PTCHD1: variants seen among roughly 807,000 people sequenced by gnomAD.
PTCHD1 encodes the protein patched domain containing 1.
PTCHD1 carries 3 observed loss-of-function variants against 34.6 expected under a neutral mutation model. That is an observed-to-expected ratio of 0.09 (90% CI 0.04 to 0.22). PTCHD1 has a LOEUF of 0.22. PTCHD1 is among the 10% of genes least tolerant of loss of function. The pLI, the probability that PTCHD1 is intolerant of heterozygous loss-of-function variation, is 1.00. For synonymous variants in PTCHD1, 305 were observed against 283.1 expected (o/e 1.08, Z -0.77); for missense variants, 504 against 685.5 (o/e 0.74, Z 2.96).
intron 1 of PTCHD1, among the ~76,000 whole-genome samples, chrX:23,339,076 G>A (rs981770449): frequency 3.6e-5 from 4 of 111,794 alleles, no homozygotes; most frequent in Non-Finnish European, 7.5e-5. Context: ...CAGGTTGACT[G>A]AACTTTAGTG....
At chrX:23,372,697 G>A (rs1922311907) in intron 1 of PTCHD1, among the ~76,000 whole-genome samples, 1 of 111,410 alleles carries the variant, frequency 9.0e-6, no homozygotes, top group Admixed American at 9.5e-5. Flanking sequence ...CCAAACATTT[G>A]GTTCCTTGGG....
chrX:23,363,070 C>A (rs1390103059), intron 1 of PTCHD1, among the ~76,000 whole-genome samples: 1 of 112,293 alleles, frequency 8.9e-6, no homozygotes, highest in Admixed American at 9.4e-5. Flanking sequence ...TCAGCCCCCA[C>A]TAGGTGGTGT....
At chrX:23,369,559 G>A (rs1922226509) in intron 1 of PTCHD1, among the ~76,000 whole-genome samples, 1 of 111,380 alleles carries the variant, frequency 9.0e-6, no homozygotes, top group Non-Finnish European at 1.9e-5. Flanking sequence ...GCTTCCTCAC[G>A]CGCAGATGGA....
chrX:23,388,679 A>C (rs1601916762), intron 2 of PTCHD1, among the ~76,000 whole-genome samples: 1 of 111,157 alleles, frequency 9.0e-6, no homozygotes, highest in East Asian at 2.8e-4. Flanking sequence ...AAAACTACAA[A>C]AATTACCTGG....
chrX:23,338,688 A>C (rs1047509161), intron 1 of PTCHD1, among the ~76,000 whole-genome samples: 1 of 112,181 alleles, frequency 8.9e-6, no homozygotes, highest in Non-Finnish European at 1.9e-5. Context: ...TAGAACCAGG[A>C]CTGGACTGGA....
chrX:23,368,548 T>C (rs1283589204), intron 1 of PTCHD1, among the ~76,000 whole-genome samples: 3 of 111,247 alleles, frequency 2.7e-5, no homozygotes, highest in Non-Finnish European at 5.7e-5. Flanking sequence ...TGGGATAGGA[T>C]TGAGCGAAAC....
rs1194698667 is a variant in PTCHD1, at chrX:23,342,266, CTATATATATA to C, written c.351+7076_351+7085del. Among the ~76,000 whole-genome samples, 125 of 31,151 alleles carry C rather than the reference CTATATATATA, an allele frequency of 4.0e-3. 2 individuals carry two copies. In the East Asian group the frequency reaches 0.051, roughly 13 times the overall value. The allele number at this position is 31,151 out of a possible 115,157, so 27.1% of individuals were successfully genotyped here. On this transcript the variant is annotated intron_variant, in intron 1 of 2. Transcript: ENST00000379361. ...GCATTTTCATATGCTGTGTTTCTCC[CTATATATATA>C]TATATATATATATATATATATATAT...
intron 1 of PTCHD1, among the ~76,000 whole-genome samples, chrX:23,354,806 C>T (rs1387363973): frequency 9.2e-6 from 1 of 109,047 alleles, no homozygotes; most frequent in South Asian, 4.1e-4. Flanking sequence ...CTCTTGACCT[C>T]GTGATCACCC....
At chrX:23,363,464 G>T (rs768896438) in intron 1 of PTCHD1, among the ~76,000 whole-genome samples, 2 of 113,097 alleles carry the variant, frequency 1.8e-5, no homozygotes, top group Non-Finnish European at 3.7e-5. Flanking sequence ...CGAACCAGGC[G>T]TGAGATATAA....
At chrX:23,346,889 T>C (rs777512629) in intron 1 of PTCHD1, among the ~76,000 whole-genome samples, 1 of 112,090 alleles carries the variant, frequency 8.9e-6, no homozygotes, top group East Asian at 2.8e-4. Flanking sequence ...ACCCAAAGTT[T>C]TGTGTTTGAG....
chrX:23,366,273 G>A (rs1385833091), intron 1 of PTCHD1, among the ~76,000 whole-genome samples: 3 of 111,685 alleles, frequency 2.7e-5, no homozygotes, highest in Non-Finnish European at 5.6e-5. Flanking sequence ...CACACTGCAG[G>A]CAGACTGAAC....
At chrX:23,374,023 A>G (rs1922338301) in intron 1 of PTCHD1, among the ~76,000 whole-genome samples, 2 of 110,404 alleles carry the variant, frequency 1.8e-5, no homozygotes, top group South Asian at 8.0e-4. Context: ...GAGTAGAAGA[A>G]GTGGGAAGGG....
Position 23,335,218 on chromosome X carries a change from A to C in PTCHD1, c.343A>C (p.Ile115Leu). Residue 115 changes from isoleucine (I) to leucine (L), a missense_variant, in exon 1 of 3, where the codon ATC (isoleucine) becomes CTC (leucine). By Grantham distance (5) the Ile-to-Leu change is conservative (BLOSUM62 2). Transcript: ENST00000379361. ...NMLDQHHTDLILKLHAAVTKI... is the reference protein window; with the variant it reads ...NMLDQHHTDLLLKLHAAVTKI... ...GCTGGACCAGCATCACACCGACCTG[A>C]TCTTAAAGGTGAGAGGGGACGGGTG... is the stretch of plus-strand genomic sequence containing the variant. The C allele has an allele frequency of 8.3e-7, 1 of 1,205,499 alleles. No individual in the cohort carries two copies. Among genetic ancestry groups the C allele is most frequent in the Non-Finnish European group, 1.1e-6 (1 of 889,792 alleles).
At chrX:23,358,974 T>G (rs1462317322) in intron 1 of PTCHD1, among the ~76,000 whole-genome samples, 1 of 112,131 alleles carries the variant, frequency 8.9e-6, no homozygotes, top group East Asian at 2.8e-4. Context: ...GTGGTGTTAT[T>G]TCTGAGGCAT....
intron 1 of PTCHD1, among the ~76,000 whole-genome samples, chrX:23,349,870 C>G (rs1269638923): frequency 2.7e-5 from 3 of 109,469 alleles, no homozygotes; most frequent in Non-Finnish European, 5.7e-5. Context: ...GTACCTCTTA[C>G]AGAAGTGTAG....
chrX:23,358,250 A>AT (rs1401956180), intron 1 of PTCHD1, among the ~76,000 whole-genome samples: 5 of 112,111 alleles, frequency 4.5e-5, no homozygotes, highest in Admixed American at 9.4e-5. Flanking sequence ...TTCCACAATG[A>AT]TTGAACTAGT....
chrX:23,354,822 C>T (rs1269109006), intron 1 of PTCHD1, among the ~76,000 whole-genome samples: 13 of 109,467 alleles, frequency 1.2e-4, no homozygotes, highest in South Asian at 4.1e-4. Context: ...CACCCCGCCT[C>T]GGCCTCCCAA....
At chrX:23,365,895 G>T (rs1446837256) in intron 1 of PTCHD1, among the ~76,000 whole-genome samples, 1 of 112,343 alleles carries the variant, frequency 8.9e-6, no homozygotes, top group Non-Finnish European at 1.9e-5. Flanking sequence ...TTCTCTGCTT[G>T]TATAGTCTAT....
At chrX:23,388,046 T>C (rs759481263) in intron 2 of PTCHD1, among the ~76,000 whole-genome samples, 3 of 111,240 alleles carry the variant, frequency 2.7e-5, no homozygotes, top group Non-Finnish European at 5.7e-5. Context: ...TGGAGGTTCC[T>C]GATATCCTCA....
Sources: gnomAD v4.1 joint callset for allele counts (sites outside exome capture counted in the v4.1 genomes callset) on GRCh38, gnomAD v4.1.1 for gene constraint, MANE v1.5 for transcripts, NCBI Gene and HGNC (gene_info 2026-07-23, HGNC 2026-07-21) for gene names.